Variants in KHDRBS2 observed in about 807,000 individuals in gnomAD.
The protein encoded by KHDRBS2 is KH domain-containing, RNA-binding, signal transduction-associated protein 2.
KHDRBS2 carries 26 observed loss-of-function variants against 44.3 expected under a neutral mutation model. The ratio of observed to expected loss-of-function variants is 0.59; its 90% CI spans 0.43 to 0.81. The LOEUF (loss-of-function observed/expected upper bound fraction) is 0.81, where lower values mean the gene tolerates loss of function less well. Ranked by LOEUF, KHDRBS2 falls within the 40% of genes least tolerant of loss-of-function variation. KHDRBS2 has a pLI of 0.00. For missense variants in KHDRBS2, 476 were observed against 433.1 expected (o/e 1.10, Z -0.88); for synonymous variants, 194 against 151.1 (o/e 1.28, Z -2.08).
At chr6:62,104,880 T>G (rs934450936) in intron 2 of KHDRBS2, among the ~76,000 whole-genome samples, 17 of 152,060 alleles carry the variant, frequency 1.1e-4, no homozygotes, top group African/African-American at 3.9e-4. Context: ...TCAATAAAAT[T>G]TATAAGCCTT....
intron 6 of KHDRBS2, among the ~76,000 whole-genome samples, chr6:61,777,091 G>C (rs1368590910): frequency 2.7e-5 from 4 of 149,530 alleles, no homozygotes; most frequent in African/African-American, 4.9e-5. Flanking sequence ...TGAACAATGA[G>C]AACACATGGA....
chr6:61,931,537 A>C (rs1048372059), intron 4 of KHDRBS2, among the ~76,000 whole-genome samples: 1 of 152,138 alleles, frequency 6.6e-6, no homozygotes, highest in African/African-American at 2.4e-5. Flanking sequence ...ACAATATTCA[A>C]AGAAGAATTT....
intron 6 of KHDRBS2, among the ~76,000 whole-genome samples, chr6:61,813,319 T>A (rs905880257): frequency 1.3e-5 from 2 of 152,142 alleles, no homozygotes; most frequent in Non-Finnish European, 1.5e-5. Flanking sequence ...GTGTTCAGAA[T>A]TATTCTTGAT....
chr6:61,644,107 A>G, the KHDRBS2 span, among the ~76,000 whole-genome samples: 1 of 152,186 alleles, frequency 6.6e-6, no homozygotes, highest in Non-Finnish European at 1.5e-5. Flanking sequence ...GAAAGCAGAC[A>G]CATAGACCAA....
intron 2 of KHDRBS2, among the ~76,000 whole-genome samples, chr6:62,071,355 T>C (rs1584508326): frequency 6.6e-6 from 1 of 152,224 alleles, no homozygotes; most frequent in Admixed American, 6.6e-5. Context: ...TTAGATTCCA[T>C]TTGTCCATTT....
At chr6:62,015,317 G>A (rs1243172805) in intron 3 of KHDRBS2, among the ~76,000 whole-genome samples, 1 of 152,074 alleles carries the variant, frequency 6.6e-6, no homozygotes, top group East Asian at 1.9e-4. Flanking sequence ...TTTTATTAAA[G>A]TTCATATTGT....
intron 1 of KHDRBS2, among the ~76,000 whole-genome samples, chr6:62,274,955 C>T (rs1277818937): frequency 6.6e-6 from 1 of 150,434 alleles, no homozygotes; most frequent in Non-Finnish European, 1.5e-5. Flanking sequence ...ATATACACAT[C>T]CCAATTAACG....
At chr6:62,248,971 T>C (rs1372745130) in intron 1 of KHDRBS2, among the ~76,000 whole-genome samples, 12 of 152,118 alleles carry the variant, frequency 7.9e-5, no homozygotes, top group African/African-American at 2.9e-4. Context: ...GCTATCATAT[T>C]AAATGTAATA....
the KHDRBS2 span, among the ~76,000 whole-genome samples, chr6:61,557,260 C>G: frequency 2.0e-5 from 3 of 152,092 alleles, no homozygotes. Flanking sequence ...TAGTAATGCT[C>G]TTCACAGATA....
chr6:61,716,137 G>T (rs1279147747), intron 7 of KHDRBS2, among the ~76,000 whole-genome samples: 3 of 151,868 alleles, frequency 2.0e-5, no homozygotes, highest in Non-Finnish European at 2.9e-5. Context: ...TGCTTTTCGG[G>T]ATACTCATAT....
intron 7 of KHDRBS2, among the ~76,000 whole-genome samples, chr6:61,705,121 G>A: frequency 6.6e-6 from 1 of 151,780 alleles, no homozygotes; most frequent in East Asian, 1.9e-4. Flanking sequence ...AAACTCAAAT[G>A]CATAGATTAT....
intron 1 of KHDRBS2, among the ~76,000 whole-genome samples, chr6:62,261,069 T>A (rs957753503): frequency 6.6e-6 from 1 of 151,888 alleles, no homozygotes; most frequent in African/African-American, 2.4e-5. Flanking sequence ...TTGTATTCCA[T>A]AATGACAGCT....
At chr6:61,755,433 A>G (rs1778349472) in intron 6 of KHDRBS2, among the ~76,000 whole-genome samples, 1 of 152,126 alleles carries the variant, frequency 6.6e-6, no homozygotes, top group African/African-American at 2.4e-5. Flanking sequence ...TAGTCTGCAG[A>G]AAAACAAAGC....
intron 1 of KHDRBS2, among the ~76,000 whole-genome samples, chr6:62,285,268 T>C (rs1842324985): frequency 6.6e-6 from 1 of 152,158 alleles, no homozygotes; most frequent in South Asian, 2.1e-4. Context: ...CAGGGACCAA[T>C]ATCTCACAGA....
the KHDRBS2 span, among the ~76,000 whole-genome samples, chr6:61,568,566 G>T: frequency 2.0e-5 from 3 of 152,162 alleles, no homozygotes; most frequent in African/African-American, 7.2e-5. Context: ...AATTCTACAA[G>T]GCAGGTGAAA....
At chr6:61,596,180 C>A in the KHDRBS2 span, among the ~76,000 whole-genome samples, 2 of 152,124 alleles carry the variant, frequency 1.3e-5, no homozygotes, top group African/African-American at 2.4e-5. Context: ...AAGATGTGTG[C>A]AAGGCTTCAG....
At chr6:62,122,270 G>A (rs975579620) in intron 2 of KHDRBS2, among the ~76,000 whole-genome samples, 10 of 152,106 alleles carry the variant, frequency 6.6e-5, no homozygotes, top group African/African-American at 2.4e-4. Flanking sequence ...TTTTGGAGCA[G>A]GGCCCTGCCA....
chr6:62,085,327 T>C (rs1201082370), intron 2 of KHDRBS2, among the ~76,000 whole-genome samples: 1 of 151,778 alleles, frequency 6.6e-6, no homozygotes, highest in Non-Finnish European at 1.5e-5. Flanking sequence ...CCATGAAAAA[T>C]ATGTGGAGTG....
chr6:61,582,532 T>C, the KHDRBS2 span, among the ~76,000 whole-genome samples: 2 of 151,700 alleles, frequency 1.3e-5, no homozygotes, highest in Non-Finnish European at 3.0e-5. Context: ...ATAGATAAAT[T>C]TCTTCAAAGT....
Sources: allele counts gnomAD v4.1 joint callset (sites outside exome capture counted in the v4.1 genomes callset), GRCh38; gene constraint gnomAD v4.1.1; transcripts MANE v1.5; gene names NCBI Gene and HGNC (gene_info 2026-07-23, HGNC 2026-07-21).